Variants in ARFGEF1 observed in about 807,000 individuals in gnomAD.
The protein encoded by ARFGEF1 is brefeldin A-inhibited guanine nucleotide-exchange protein 1.
ARFGEF1 carries 42 observed loss-of-function variants against 231.0 expected under a neutral mutation model. That is an observed-to-expected ratio of 0.18 (90% CI 0.14 to 0.24). The LOEUF (loss-of-function observed/expected upper bound fraction) is 0.24. ARFGEF1 is among the 10% of genes least tolerant of loss of function. The pLI, the probability that ARFGEF1 is intolerant of heterozygous loss-of-function variation, is 1.00. For missense variants in ARFGEF1, 1,345 were observed against 2,192.0 expected (o/e 0.61, Z 7.72); for synonymous variants, 710 against 732.3 (o/e 0.97, Z 0.49).
intron 17 of ARFGEF1, among the ~76,000 whole-genome samples, chr8:67,254,131 G>C (rs1430137398): frequency 2.0e-5 from 3 of 152,166 alleles, no homozygotes; most frequent in Non-Finnish European, 4.4e-5. Context: ...ATTATGTCAG[G>C]TGATCTGTAC....
chr8:67,326,230 C>T (rs1807827050), intron 1 of ARFGEF1, among the ~76,000 whole-genome samples: 1 of 151,956 alleles, frequency 6.6e-6, no homozygotes, highest in South Asian at 2.1e-4. Context: ...AGAAAAAGAA[C>T]ATCTATGACT....
intron 29 of ARFGEF1, among the ~76,000 whole-genome samples, chr8:67,223,163 C>T (rs560739370): frequency 2.0e-5 from 3 of 152,216 alleles, no homozygotes; most frequent in Non-Finnish European, 4.4e-5. Flanking sequence ...TAAGAATGCA[C>T]ACAAGAAATT....
At chr8:67,279,184 C>T (rs1363395026) in intron 7 of ARFGEF1, among the ~76,000 whole-genome samples, 1 of 152,150 alleles carries the variant, frequency 6.6e-6, no homozygotes, top group Non-Finnish European at 1.5e-5. Context: ...TTATTAGAAA[C>T]TGAGTTCCTA....
At chr8:67,260,901 G>A (rs1356462186) in intron 14 of ARFGEF1, among the ~76,000 whole-genome samples, 2 of 152,194 alleles carry the variant, frequency 1.3e-5, no homozygotes, top group Non-Finnish European at 2.9e-5. Context: ...CCTAACTGCT[G>A]ATATGGAGAA....
At chr8:67,224,534 T>G (rs1489523207) in intron 29 of ARFGEF1, among the ~76,000 whole-genome samples, 2 of 152,178 alleles carry the variant, frequency 1.3e-5, no homozygotes, top group Non-Finnish European at 2.9e-5. Context: ...AGCAAGGATG[T>G]GCAGTTAAAA....
chr8:67,195,639 A>ATAT (rs752492612), downstream of ARFGEF1: 12 of 1,538,934 alleles, frequency 7.8e-6, no homozygotes, highest in Non-Finnish European at 1.1e-5. Flanking sequence ...GGTGAAAGGA[A>ATAT]TGGTAAATCT....
rs186986160 is a variant in ARFGEF1, at chr8:67,177,667, C to T, written c.561-2095G>A. The T allele has an allele frequency of 3.8e-6, 6 of 1,597,146 alleles. No individual in the cohort carries two copies. In the East Asian group the frequency reaches 6.7e-5, roughly 18 times the overall value. ...TGACCTTTTAATTTGCTTTTGTTCTCCATTGACTACAGTTGACTTAGATGC... is the reference window on the plus strand; with the variant it reads ...TGACCTTTTAATTTGCTTTTGTTCTTCATTGACTACAGTTGACTTAGATGC... On this transcript the variant is annotated intron_variant, in intron 5 of 5. Transcript: ENST00000518789.
downstream of ARFGEF1, chr8:67,195,712 A>G (rs1256477017): frequency 2.3e-5 from 16 of 706,064 alleles, no homozygotes; most frequent in South Asian, 2.7e-4. Flanking sequence ...CATCATCTGT[A>G]TATAAAATTA....
At chr8:67,306,825 T>C (rs1806769018) in intron 1 of ARFGEF1, among the ~76,000 whole-genome samples, 1 of 152,274 alleles carries the variant, frequency 6.6e-6, no homozygotes. Flanking sequence ...TTGCCCAGGC[T>C]GAAGTGCAGT....
At chr8:67,297,445 T>C (rs1421436160) in intron 4 of ARFGEF1, among the ~76,000 whole-genome samples, 2 of 152,166 alleles carry the variant, frequency 1.3e-5, no homozygotes, top group Non-Finnish European at 2.9e-5. Context: ...TGGGCGTAAG[T>C]GCCATATACC....
At chr8:67,216,389 A>T (rs1838933755) in intron 33 of ARFGEF1, among the ~76,000 whole-genome samples, 1 of 152,138 alleles carries the variant, frequency 6.6e-6, no homozygotes, top group South Asian at 2.1e-4. Flanking sequence ...AGCAGAGAGC[A>T]GCTCTCACCA....
At chr8:67,219,617 A>C in intron 29 of ARFGEF1, 57 bp from the exon 30 acceptor site, 2 of 1,516,720 alleles carry the variant, frequency 1.3e-6, no homozygotes. Flanking sequence ...ACTTCTCCTA[A>C]AATAGTTTTT....
chr8:67,221,612 AAGC>A lies in ARFGEF1; in HGVS notation c.4209-2055_4209-2053del, dbSNP rs1400431112. ...GTTTTTTAAAATTTTAAAAATTATAAAGCAAAAAAGTTACAGTAGGCTATGGTT... is the reference window on the plus strand; with the variant it reads ...GTTTTTTAAAATTTTAAAAATTATAAAAAAAAGTTACAGTAGGCTATGGTT... On this transcript the variant is annotated intron_variant, in intron 29 of 38. Transcript: ENST00000262215. Among the ~76,000 whole-genome samples, 5 of 152,140 alleles carry A rather than the reference AAGC, an allele frequency of 3.3e-5. No individual in the cohort carries two copies. In the East Asian group the frequency reaches 9.6e-4, roughly 29 times the overall value.
chr8:67,310,618 C>A (rs1196519178), intron 1 of ARFGEF1, among the ~76,000 whole-genome samples: 2 of 152,022 alleles, frequency 1.3e-5, no homozygotes, highest in Non-Finnish European at 2.9e-5. Context: ...TGAGGAGCGC[C>A]TCTTCCCGGC....
chr8:67,248,274 A>G (rs1279261306), intron 19 of ARFGEF1, among the ~76,000 whole-genome samples: 1 of 150,474 alleles, frequency 6.6e-6, no homozygotes, highest in Non-Finnish European at 1.5e-5. Flanking sequence ...ATGGCACAGT[A>G]CTGGCATCAA....
intron 19 of ARFGEF1, among the ~76,000 whole-genome samples, chr8:67,242,677 C>A (rs1383699105): frequency 6.6e-6 from 1 of 152,196 alleles, no homozygotes; most frequent in Non-Finnish European, 1.5e-5. Flanking sequence ...ACTTTAGGTA[C>A]CAGCTTGGCC....
chr8:67,227,488 C>T lies in ARFGEF1; in HGVS notation c.3702G>A (p.Lys1234=), dbSNP rs776982324. ...KGELANFRFQ[K]DFLRPFEHIM... ...TATGTTCAAAAGGTCTTAAGAAATC[C>T]TTCTGGAATCTGAAGTTAGCAAGCT... is the stretch of plus-strand genomic sequence containing the variant. The change falls in exon 26 of 39, where the codon AAG becomes AAA. Residue 1234 remains lysine, a synonymous_variant. Coordinates refer to ENST00000262215, the MANE Select transcript of ARFGEF1 (RefSeq NM_006421.5). The T allele has an allele frequency of 3.1e-6, 5 of 1,612,886 alleles. No homozygotes were observed. The highest frequency in any genetic ancestry group is 2.5e-6 in the Non-Finnish European group (3 of 1,179,348).
intron 35 of ARFGEF1, 71 bp from the exon 36 acceptor site, chr8:67,203,322 T>C: frequency 6.5e-7 from 1 of 1,527,344 alleles, no homozygotes; most frequent in African/African-American, 1.4e-5. Flanking sequence ...AACTCAATGC[T>C]CCCCAAAGAC....
At chr8:67,298,536 G>A (rs1228814991) in intron 4 of ARFGEF1, among the ~76,000 whole-genome samples, 2 of 152,098 alleles carry the variant, frequency 1.3e-5, no homozygotes, top group Non-Finnish European at 2.9e-5. Context: ...CAGTACAGAA[G>A]AAACTAGAGG....
Sources: allele counts gnomAD v4.1 joint callset (sites outside exome capture counted in the v4.1 genomes callset), GRCh38; gene constraint gnomAD v4.1.1; transcripts MANE v1.5; gene names NCBI Gene and HGNC (gene_info 2026-07-23, HGNC 2026-07-21).